RPAP2: variants seen among roughly 807,000 people sequenced by gnomAD.
RPAP2 encodes the protein RNA polymerase II associated protein 2.
Under a neutral mutation model 73.1 loss-of-function variants are expected in RPAP2, and 52 were observed. The observed-to-expected ratio is 0.71, with a 90% confidence interval of 0.57 to 0.90. The LOEUF (loss-of-function observed/expected upper bound fraction) is 0.90. Ranked by LOEUF, RPAP2 falls within the 40% of genes least tolerant of loss-of-function variation. The pLI is 0.00. For missense variants in RPAP2, 598 were observed against 701.8 expected, an observed-to-expected ratio of 0.85 and a Z score of 1.67; for synonymous variants, 225 against 242.1, an observed-to-expected ratio of 0.93 and a Z score of 0.65.
At chr1:92,319,296 G>A (rs1337517073) in intron 6 of RPAP2, among the ~76,000 whole-genome samples, 1 of 152,150 alleles carries the variant, frequency 6.6e-6, no homozygotes, top group Non-Finnish European at 1.5e-5. Context: ...GAGCTTTACT[G>A]TCTGGGTTTG....
Position 92,308,108 on chromosome 1 carries a change from T to C in RPAP2, c.488+832T>C, listed in dbSNP as rs78232156. 8.9e-3 allele frequency among the ~76,000 whole-genome samples: 1,348 copies of C among 152,200 alleles called. 10 individuals are homozygous for C. Among genetic ancestry groups the C allele is most frequent in the Non-Finnish European group, 0.016 (1,068 of 67,996 alleles). ...AAAAAAAGCAAACCTTGAAGTCTTT[T>C]CTGATGCGTAAGGCGATGTAACACC... is the stretch of plus-strand genomic sequence containing the variant. On this transcript the variant is annotated intron_variant, in intron 6 of 12. Coordinates refer to ENST00000610020, the MANE Select transcript of RPAP2 (RefSeq NM_024813.3).
rs926364973 is a variant in RPAP2 at position 92,304,035 on chromosome 1, A to G, written c.293A>G (p.Lys98Arg). ...GTCGTGGATGAACGTTCTATTGTCA[A>G]ACTCTGTGGTTATCCTTTATGTCAG... ...SDVVDERSIV[K>R]LCGYPLCQKK... Residue 98 changes from lysine to arginine, a missense_variant, in exon 4 of 13, where the codon AAA (lysine) becomes AGA (arginine). By Grantham distance (26) the Lys-to-Arg change is conservative (BLOSUM62 2). Transcript: ENST00000610020. The G allele has an allele frequency of 1.9e-6, 3 of 1,613,038 alleles. No individual in the cohort carries two copies. The highest frequency in any genetic ancestry group is 2.7e-5 in the African/African-American group (2 of 74,894).
chr1:92,306,427 C>T (rs77735719), intron 5 of RPAP2, among the ~76,000 whole-genome samples: 2 of 152,194 alleles, frequency 1.3e-5, no homozygotes, highest in African/African-American at 4.8e-5. Flanking sequence ...TTTATAGTAA[C>T]ATTGTAGTGA....
intron 6 of RPAP2, among the ~76,000 whole-genome samples, chr1:92,317,657 C>G (rs529735863): frequency 6.6e-6 from 1 of 152,208 alleles, no homozygotes; most frequent in African/African-American, 2.4e-5. Context: ...ATACTTCATG[C>G]TACTGAACTA....
intron 11 of RPAP2, among the ~76,000 whole-genome samples, chr1:92,377,516 CAAAAAAAAA>C (rs530908177): frequency 2.1e-4 from 16 of 76,610 alleles, no homozygotes; most frequent in African/African-American, 4.8e-4. Context: ...AACTTTGTCT[CAAAAAAAAA>C]AAAAAAAAAA....
chr1:92,353,206 A>G (rs1367248820), intron 11 of RPAP2, among the ~76,000 whole-genome samples: 1 of 152,184 alleles, frequency 6.6e-6, no homozygotes, highest in East Asian at 1.9e-4. Context: ...TTAGGTATAT[A>G]CCTAGGAGTA....
chr1:92,324,266 A>G lies in RPAP2; in HGVS notation c.1346A>G (p.Tyr449Cys), dbSNP rs545232769. 3 of 1,614,076 alleles carry G rather than the reference A, an allele frequency of 1.9e-6. No homozygotes were observed. Among genetic ancestry groups the G allele is most frequent in the Non-Finnish European group, 1.7e-6 (2 of 1,179,972 alleles). ...ACAGCCATTAAACCACTGCCAAGTTACGAGAATTTGAAAAAAGAAACTGAA... is the reference window on the plus strand; with the variant it reads ...ACAGCCATTAAACCACTGCCAAGTTGCGAGAATTTGAAAAAAGAAACTGAA... Reference protein sequence around the residue: ...SGTAIKPLPSYENLKKETEKL... With the variant: ...SGTAIKPLPSCENLKKETEKL... The change falls in exon 8 of 13, where the codon TAC becomes TGC. Residue 449 changes from tyrosine to cysteine, a missense_variant. By Grantham distance (194) the Tyr-to-Cys change is radical. Coordinates refer to ENST00000610020, the MANE Select transcript of RPAP2 (RefSeq NM_024813.3).
chr1:92,301,284 G>GT (rs1650838000), intron 2 of RPAP2, among the ~76,000 whole-genome samples, 192 bp from the exon 3 acceptor site: 1 of 152,138 alleles, frequency 6.6e-6, no homozygotes, highest in South Asian at 2.1e-4. Flanking sequence ...AGGAGCTCGA[G>GT]ACCAGTTTGA....
intron 6 of RPAP2, 107 bp from the exon 7 acceptor site, chr1:92,320,492 C>T (rs1306782131): frequency 8.9e-6 from 7 of 783,786 alleles, no homozygotes; most frequent in African/African-American, 1.7e-5. Context: ...AGGATGGTCT[C>T]AATCTCCTGA....
intron 11 of RPAP2, among the ~76,000 whole-genome samples, chr1:92,377,931 G>T (rs1655458105): frequency 6.6e-6 from 1 of 152,138 alleles, no homozygotes; most frequent in South Asian, 2.1e-4. Flanking sequence ...AGTTGATAGA[G>T]GGGCAGCTCT....
chr1:92,352,513 CAA>C (rs1654269921), intron 11 of RPAP2, among the ~76,000 whole-genome samples: 1 of 152,132 alleles, frequency 6.6e-6, no homozygotes, highest in African/African-American at 2.4e-5. Context: ...CCATGAAAAA[CAA>C]AGAGATGGTT....
chr1:92,308,415 C>A (rs1651376368), intron 6 of RPAP2, among the ~76,000 whole-genome samples: 1 of 152,156 alleles, frequency 6.6e-6, no homozygotes. Flanking sequence ...CTTAATATTT[C>A]TGTCACTAGA....
intron 6 of RPAP2, among the ~76,000 whole-genome samples, chr1:92,311,576 T>A (rs1571033204): frequency 6.6e-6 from 1 of 152,342 alleles, no homozygotes; most frequent in East Asian, 1.9e-4. Context: ...GAACTTGGCA[T>A]CACTGAGGAT....
At chr1:92,370,223 G>A (rs1655092595) in intron 11 of RPAP2, among the ~76,000 whole-genome samples, 1 of 152,042 alleles carries the variant, frequency 6.6e-6, no homozygotes, top group South Asian at 2.1e-4. Context: ...GACATGTTTT[G>A]TTTTATATTT....
rs933808622 is a variant in RPAP2 at position 92,324,277 on chromosome 1, A to T, written c.1357A>T (p.Lys453Ter). ...ACCACTGCCAAGTTACGAGAATTTG[A>T]AAAAAGAAACTGAAAAGTTAAATCT... Reference protein sequence around the residue: ...IKPLPSYENLKKETEKLNLRI... With the variant: ...IKPLPSYENL Residue 453 changes from lysine to a stop codon, truncating the protein, a stop_gained, in exon 8 of 13, where the codon AAA becomes TAA. Coordinates refer to ENST00000610020, the MANE Select transcript of RPAP2 (RefSeq NM_024813.3). LOFTEE classifies it high-confidence loss of function. 1 of 1,614,104 alleles carries T rather than the reference A, an allele frequency of 6.2e-7. No individual in the cohort carries two copies. The highest frequency in any genetic ancestry group is 1.3e-5 in the African/African-American group (1 of 75,048).
intron 6 of RPAP2, among the ~76,000 whole-genome samples, chr1:92,311,958 A>T (rs1329784478): frequency 1.3e-5 from 2 of 152,178 alleles, no homozygotes; most frequent in African/African-American, 2.4e-5. Flanking sequence ...CTGCTAACTG[A>T]TCAGGGTGGT....
chr1:92,345,113 G>C (rs1257257450), intron 10 of RPAP2, among the ~76,000 whole-genome samples: 2 of 151,920 alleles, frequency 1.3e-5, no homozygotes, highest in Non-Finnish European at 2.9e-5. Context: ...TCTCATTTCT[G>C]TAAATTATGC....
At chr1:92,350,377 T>A (rs776379691) in intron 11 of RPAP2, among the ~76,000 whole-genome samples, 3 of 152,218 alleles carry the variant, frequency 2.0e-5, no homozygotes, top group African/African-American at 7.2e-5. Flanking sequence ...TGACTTTTTT[T>A]AGAAGAACTC....
intron 11 of RPAP2, among the ~76,000 whole-genome samples, chr1:92,350,758 C>T (rs1169888073): frequency 6.6e-6 from 1 of 152,090 alleles, no homozygotes; most frequent in African/African-American, 2.4e-5. Flanking sequence ...GTGGTGAAAC[C>T]TCATCTCTAC....
Sources: allele counts gnomAD v4.1 joint callset (sites outside exome capture counted in the v4.1 genomes callset), GRCh38; gene constraint gnomAD v4.1.1; transcripts MANE v1.5; gene names NCBI Gene and HGNC (gene_info 2026-07-23, HGNC 2026-07-21).